The following FHOD3 variants were observed in gnomAD, a reference collection of about 807,000 sequenced individuals.
FHOD3 encodes the protein formin homology 2 domain containing 3.
FHOD3 carries 90 observed loss-of-function variants against 173.0 expected under a neutral mutation model. That is an observed-to-expected ratio of 0.52 (90% CI 0.44 to 0.62). The LOEUF is 0.62. FHOD3 is among the 20% of genes least tolerant of loss of function. The pLI is 0.00. For synonymous variants in FHOD3, 828 were observed against 823.0 expected, an observed-to-expected ratio of 1.01 and a Z score of -0.10; for missense variants, 1,945 against 2,034.7, an observed-to-expected ratio of 0.96 and a Z score of 0.85.
At chr18:36,754,976 T>TTATTATTA (rs1555838751) in intron 24 of FHOD3, 143 bp from the exon 25 acceptor site, 1 of 167,734 alleles carries the variant, frequency 6.0e-6, no homozygotes, top group African/African-American at 2.6e-5. Flanking sequence ...TGTTGGTTTC[T>TTATTATTA]TTATTATTAT....
At chr18:36,635,807 T>C (rs1260978233) in intron 10 of FHOD3, among the ~76,000 whole-genome samples, 1 of 152,042 alleles carries the variant, frequency 6.6e-6, no homozygotes, top group East Asian at 1.9e-4. Context: ...CCAGGAAAAA[T>C]AAACTGCATG....
intron 17 of FHOD3, among the ~76,000 whole-genome samples, chr18:36,708,224 G>C (rs904980495): frequency 6.6e-6 from 1 of 152,146 alleles, no homozygotes; most frequent in Non-Finnish European, 1.5e-5. Flanking sequence ...AATAGACTGT[G>C]ACCATGAGTG....
chr18:36,329,108 G>T (rs965748143), intron 1 of FHOD3, among the ~76,000 whole-genome samples: 1 of 152,110 alleles, frequency 6.6e-6, no homozygotes. Flanking sequence ...CTGATTTCAT[G>T]CCCCAAGGGT....
chr18:36,687,214 G>A (rs369378946), intron 16 of FHOD3, 36 bp downstream of exon 16: 4 of 1,512,514 alleles, frequency 2.6e-6, no homozygotes, highest in Non-Finnish European at 3.7e-6. Flanking sequence ...GTAACAAATG[G>A]CATGTGACTT....
Position 36,718,094 on chromosome 18 carries a change from C to A in FHOD3, c.2796C>A (p.Asp932Glu), listed in dbSNP as rs373600666. 6.3e-7 allele frequency: 1 copy of A among 1,598,548 alleles called. No individual in the cohort carries two copies. Reference sequence around the variant, plus strand: ...GGAGGGTGGATGTCGGCTGTTTGGACAATCGGGGCAGTGTGAAAGCATTTG... The same window carrying A: ...GGAGGGTGGATGTCGGCTGTTTGGAAAATCGGGGCAGTGTGAAAGCATTTG... ...SVRRVDVGCLDNRGSVKAFAE... is the reference protein window; with the variant it reads ...SVRRVDVGCLENRGSVKAFAE... The change falls in exon 19 of 29, where the codon GAC becomes GAA. Residue 932 changes from aspartate (D) to glutamate (E), a missense_variant. Around this residue, in one of 5 missense-constraint regions of FHOD3, gnomAD observed 1,099 missense variants for 1,051.2 expected, o/e 1.05. Transcript: ENST00000590592.
chr18:36,358,923 T>C (rs1307538972), intron 2 of FHOD3, among the ~76,000 whole-genome samples: 1 of 152,160 alleles, frequency 6.6e-6, no homozygotes, highest in East Asian at 1.9e-4. Flanking sequence ...CATGCATAGC[T>C]ACACATTTGA....
intron 3 of FHOD3, among the ~76,000 whole-genome samples, chr18:36,379,533 C>T (rs1241041562): frequency 6.6e-6 from 1 of 152,090 alleles, no homozygotes; most frequent in Non-Finnish European, 1.5e-5. Context: ...GGTCACTTAA[C>T]AAGGAACATG....
At chr18:36,411,776 A>T (rs770019265) in intron 3 of FHOD3, among the ~76,000 whole-genome samples, 4 of 152,240 alleles carry the variant, frequency 2.6e-5, no homozygotes, top group Non-Finnish European at 5.9e-5. Flanking sequence ...TCCTATTTTT[A>T]AAATGAAAGC....
At chr18:36,597,457 C>T (rs1472514192) in intron 7 of FHOD3, among the ~76,000 whole-genome samples, 1 of 152,130 alleles carries the variant, frequency 6.6e-6, no homozygotes, top group Non-Finnish European at 1.5e-5. Flanking sequence ...GATGGAGTCT[C>T]ACTCTGTTGC....
At chr18:36,469,742 A>C (rs1357877118) in intron 3 of FHOD3, among the ~76,000 whole-genome samples, 1 of 148,224 alleles carries the variant, frequency 6.7e-6, no homozygotes, top group Non-Finnish European at 1.5e-5. Context: ...TGCTCTGACC[A>C]GGATTTAAGG....
intron 26 of FHOD3, 124 bp from the exon 27 acceptor site, chr18:36,760,484 T>A: frequency 3.5e-6 from 3 of 853,122 alleles, no homozygotes; most frequent in Non-Finnish European, 5.1e-6. Flanking sequence ...ACTGCCGTAA[T>A]GAATGTGTCT....
intron 18 of FHOD3, chr18:36,711,197 C>G (rs543324515): frequency 5.9e-5 from 9 of 152,342 alleles, no homozygotes; most frequent in African/African-American, 1.9e-4. Flanking sequence ...CCTAAAAAAT[C>G]TCACTGCTCA....
intron 3 of FHOD3, among the ~76,000 whole-genome samples, chr18:36,428,640 C>T (rs2050378518): frequency 6.6e-6 from 1 of 152,198 alleles, no homozygotes; most frequent in Non-Finnish European, 1.5e-5. Context: ...GGTCTCTCAT[C>T]CCTTCTTTTC....
chr18:36,487,154 G>C (rs933706765), intron 3 of FHOD3, among the ~76,000 whole-genome samples: 4 of 152,092 alleles, frequency 2.6e-5, no homozygotes, highest in African/African-American at 9.7e-5. Flanking sequence ...TTTTCCTTGG[G>C]GAAAGTCCTA....
At chr18:36,422,432 G>A (rs1341387194) in intron 3 of FHOD3, among the ~76,000 whole-genome samples, 1 of 152,168 alleles carries the variant, frequency 6.6e-6, no homozygotes, top group Non-Finnish European at 1.5e-5. Flanking sequence ...GGTAAACAAT[G>A]CTGCAGTGAA....
chr18:36,440,835 C>T (rs994127885), intron 3 of FHOD3, among the ~76,000 whole-genome samples: 21 of 152,168 alleles, frequency 1.4e-4, no homozygotes, highest in Admixed American at 8.5e-4. Flanking sequence ...AGCCATTCCT[C>T]TGAGGCTGGG....
At chr18:36,506,759 G>A (rs1048292653) in intron 4 of FHOD3, among the ~76,000 whole-genome samples, 35 of 144,182 alleles carry the variant, frequency 2.4e-4, no homozygotes, top group African/African-American at 8.5e-4. Context: ...GTGTAGATCA[G>A]TGCACATTCA....
intron 3 of FHOD3, among the ~76,000 whole-genome samples, chr18:36,404,789 A>G (rs2048981477): frequency 6.6e-6 from 1 of 152,168 alleles, no homozygotes; most frequent in South Asian, 2.1e-4. Flanking sequence ...GAGGGCTGCC[A>G]TGCTTGCTGT....
intron 5 of FHOD3, among the ~76,000 whole-genome samples, chr18:36,517,262 T>C (rs1327067873): frequency 2.6e-5 from 4 of 152,228 alleles, no homozygotes; most frequent in South Asian, 2.1e-4. Flanking sequence ...ATTATTCTTA[T>C]AGAAGGAGGA....
Sources: gnomAD v4.1 joint callset for allele counts (sites outside exome capture counted in the v4.1 genomes callset) on GRCh38, gnomAD v4.1.1 for gene constraint, gnomAD v4.1.1 regional missense constraint, MANE v1.5 for transcripts, NCBI Gene and HGNC (gene_info 2026-07-23, HGNC 2026-07-21) for gene names.